The following TULP4 variants were observed in gnomAD, a reference collection of about 807,000 sequenced individuals.
The protein encoded by TULP4 is TUB like protein 4.
TULP4 carries 16 observed loss-of-function variants against 129.0 expected under a neutral mutation model. The observed-to-expected ratio is 0.12, with a 90% CI of 0.08 to 0.19. TULP4 has a LOEUF of 0.19. Among genes scored for constraint, TULP4 ranks in the 10% least tolerant of loss-of-function variants. The probability of loss-of-function intolerance (pLI) is 1.00; values close to 1 mark genes in which losing one functional copy is unlikely to be tolerated. For synonymous variants in TULP4, 998 were observed against 854.0 expected, an observed-to-expected ratio of 1.17 and a Z score of -2.94; for missense variants, 1,842 against 2,059.1, an observed-to-expected ratio of 0.89 and a Z score of 2.04.
At chr6:158,452,876 C>T (rs17503148) in intron 5 of TULP4, among the ~76,000 whole-genome samples, 27,317 of 152,110 alleles carry the variant, frequency 0.18, 2,868 homozygotes, top group Middle Eastern at 0.25. Flanking sequence ...GTGAATTTTG[C>T]AGTTCAAGAG....
chr6:158,377,456 A>G (rs1777217896), intron 1 of TULP4, among the ~76,000 whole-genome samples: 1 of 152,254 alleles, frequency 6.6e-6, no homozygotes, highest in African/African-American at 2.4e-5. Flanking sequence ...AGCTTGCCTA[A>G]GTTTAAAGGT....
chr6:158,497,840 T>C (rs1290505547), intron 11 of TULP4, among the ~76,000 whole-genome samples: 1 of 152,232 alleles, frequency 6.6e-6, no homozygotes, highest in Non-Finnish European at 1.5e-5. Context: ...GGTCAGCCGC[T>C]AAGTGTTAAG....
At chr6:158,443,997 A>T (rs1456086217) in intron 3 of TULP4, among the ~76,000 whole-genome samples, 3 of 151,950 alleles carry the variant, frequency 2.0e-5, no homozygotes, top group Admixed American at 6.6e-5. Flanking sequence ...GGGTGGGCGG[A>T]TCACAAGGTC....
At chr6:158,397,273 T>C (rs2114968189) in intron 1 of TULP4, among the ~76,000 whole-genome samples, 1 of 152,336 alleles carries the variant, frequency 6.6e-6, no homozygotes, top group East Asian at 1.9e-4. Context: ...CTGACTTGTC[T>C]AGTTCTCCCC....
rs9457367 is a variant in TULP4, at chr6:158,376,142, C to G, written c.253-36923C>G. Among the ~76,000 whole-genome samples the G allele has an allele frequency of 2.8e-3, 426 of 152,314 alleles. 8 individuals carry two copies. Among genetic ancestry groups the G allele is most frequent in the African/African-American group, 9.9e-3 (411 of 41,568 alleles). ...CTGCACCTCCTCTCACCTGCCTCCACTCATGTTGCAGTTGTCTATTGGATA... is the reference window on the plus strand; with the variant it reads ...CTGCACCTCCTCTCACCTGCCTCCAGTCATGTTGCAGTTGTCTATTGGATA... On this transcript the variant is annotated intron_variant, in intron 1 of 13. Transcript: ENST00000367097.
intron 1 of TULP4, among the ~76,000 whole-genome samples, chr6:158,305,388 C>T (rs913129752): frequency 6.7e-6 from 1 of 149,008 alleles, no homozygotes; most frequent in Non-Finnish European, 1.5e-5. Context: ...TTTGTTTACC[C>T]GTTCATCCAT....
chr6:158,494,950 C>A, intron 11 of TULP4, 104 bp downstream of exon 11: 2 of 861,848 alleles, frequency 2.3e-6, no homozygotes, highest in Non-Finnish European at 3.6e-6. Context: ...TTTAAGACAG[C>A]AAAAGATTAG....
At chr6:158,329,973 A>G (rs1441927416) in intron 1 of TULP4, among the ~76,000 whole-genome samples, 1 of 152,226 alleles carries the variant, frequency 6.6e-6, no homozygotes, top group African/African-American at 2.4e-5. Context: ...GCATTGTGCA[A>G]TAGAAACATA....
chr6:158,247,921 G>T (rs1778057273), intron 1 of TULP4, among the ~76,000 whole-genome samples: 1 of 152,188 alleles, frequency 6.6e-6, no homozygotes, highest in Non-Finnish European at 1.5e-5. Context: ...CACGTAATCA[G>T]TTTCTTAAGC....
chr6:158,368,066 C>CAAAAAAAAAATAAA (rs1776973790), intron 1 of TULP4, among the ~76,000 whole-genome samples: 1 of 65,010 alleles, frequency 1.5e-5, no homozygotes, highest in Non-Finnish European at 2.9e-5. Context: ...ACCCTGTCTC[C>CAAAAAAAAAATAAA]AAAAAAAAAA....
intron 4 of TULP4, 88 bp from the exon 5 acceptor site, chr6:158,452,046 T>A (rs1779172984): frequency 6.4e-7 from 1 of 1,565,364 alleles, no homozygotes; most frequent in Non-Finnish European, 8.7e-7. Context: ...AGGCAATTTC[T>A]AAGGCACCAT....
chr6:158,278,074 T>C (rs1359497141), upstream of TULP4, among the ~76,000 whole-genome samples: 1 of 152,230 alleles, frequency 6.6e-6, no homozygotes, highest in Non-Finnish European at 1.5e-5. Flanking sequence ...GTGGACTCCC[T>C]TCCTCTTGTG....
chr6:158,250,391 C>T (rs537456930), intron 1 of TULP4, among the ~76,000 whole-genome samples: 2 of 149,996 alleles, frequency 1.3e-5, no homozygotes, highest in African/African-American at 2.5e-5. Context: ...CTCTTGACCT[C>T]GTGATCTGCC....
intron 1 of TULP4, among the ~76,000 whole-genome samples, chr6:158,409,394 A>G (rs889695760): frequency 2.0e-5 from 3 of 152,208 alleles, no homozygotes; most frequent in Admixed American, 2.0e-4. Flanking sequence ...CAAAGAACAT[A>G]CACTTTAGCT....
chr6:158,329,375 A>G (rs1300383975), intron 1 of TULP4, among the ~76,000 whole-genome samples: 2 of 151,864 alleles, frequency 1.3e-5, no homozygotes, highest in Non-Finnish European at 2.9e-5. Flanking sequence ...TTAAGGCAAA[A>G]CCGAGATTTG....
intron 1 of TULP4, among the ~76,000 whole-genome samples, chr6:158,251,991 G>A (rs931682665): frequency 2.6e-5 from 4 of 152,244 alleles, no homozygotes; most frequent in Admixed American, 1.3e-4. Flanking sequence ...CTCTCAGGCT[G>A]CAGAGAACCC....
Position 158,313,964 on chromosome 6 carries a change from A to G in TULP4, c.-53A>G. 6.3e-7 allele frequency: 1 copy of G among 1,580,918 alleles called. No homozygotes were observed. The highest frequency in any genetic ancestry group is 8.6e-7 in the Non-Finnish European group (1 of 1,162,872). ...TATACCAATGAAAGAAATTGGTTTA[A>G]ATTTCACAGCATTAACATTACTTTT... On this transcript the variant is annotated 5_prime_UTR_variant, in exon 1 of 14. Transcript: ENST00000367097.
intron 1 of TULP4, among the ~76,000 whole-genome samples, chr6:158,255,092 G>A (rs188957479): frequency 1.2e-3 from 183 of 152,058 alleles, no homozygotes; most frequent in Admixed American, 3.0e-3. Context: ...CAAAACAAAA[G>A]CAACAGAAAA....
intron 1 of TULP4, among the ~76,000 whole-genome samples, chr6:158,385,608 ATATAAT>A (rs1160829956): frequency 8.0e-5 from 12 of 150,590 alleles, no homozygotes; most frequent in Admixed American, 8.0e-4. Context: ...ATATGTACAC[ATATAAT>A]TATATACATA....
Sources: allele counts gnomAD v4.1 joint callset (sites outside exome capture counted in the v4.1 genomes callset), GRCh38; gene constraint gnomAD v4.1.1; transcripts MANE v1.5; gene names NCBI Gene and HGNC (gene_info 2026-07-23, HGNC 2026-07-21).